ZNF836: variants seen among roughly 807,000 people sequenced by gnomAD.
ZNF836 encodes the protein zinc finger protein 836.
In ZNF836, 12 loss-of-function variants were observed where a neutral mutation model predicts 7.4. That is an observed-to-expected ratio of 1.61 (90% CI 1.03 to 2.61). The LOEUF (loss-of-function observed/expected upper bound fraction) is 2.61, where lower values mean the gene tolerates loss of function less well. Ranked by LOEUF, ZNF836 falls within the 30% of genes most tolerant of loss-of-function variation. ZNF836 has a pLI of 0.00. For synonymous variants in ZNF836, 365 were observed against 382.6 expected, an observed-to-expected ratio of 0.95 and a Z score of 0.54; for missense variants, 998 against 1,126.2, an observed-to-expected ratio of 0.89 and a Z score of 1.63.
At chr19:52,169,474 G>A (rs1568575412) in intron 2 of ZNF836, among the ~76,000 whole-genome samples, 174 bp downstream of exon 2, 1 of 152,122 alleles carries the variant, frequency 6.6e-6, no homozygotes, top group Non-Finnish European at 1.5e-5. Context: ...AGGTACTCGT[G>A]AGGCTGAGGC....
At position 52,155,252 on chromosome 19, in the gene ZNF836, A is replaced by G. The variant is rs773782581; in HGVS notation, c.2431T>C (p.Cys811Arg). The change falls in exon 5 of 5, where the codon TGT (cysteine) becomes CGT (arginine). Residue 811 changes from cysteine (C) to arginine (R), a missense_variant. Coordinates refer to ENST00000682614, the MANE Select transcript of ZNF836 (RefSeq NM_001102657.3). The part of the protein sequence containing the change: ...TGEKPYVCNE[C>R]GKAFRVRSIL... The stretch of plus-strand genomic sequence containing the variant: ...GAACGCACTCTAAAGGCTTTGCCAC[A>G]CTCATTACACACGTAAGGTTTCTCT... 6 of 1,614,022 alleles carry G rather than the reference A, an allele frequency of 3.7e-6. No individual in the cohort carries two copies. Among genetic ancestry groups the G allele is most frequent in the Non-Finnish European group, 5.1e-6 (6 of 1,179,942 alleles).
chr19:52,166,718 C>T (rs1250597820), intron 3 of ZNF836, among the ~76,000 whole-genome samples: 4 of 151,676 alleles, frequency 2.6e-5, no homozygotes, highest in African/African-American at 7.3e-5. Context: ...GGACTACAGG[C>T]CCCCGCCACC....
chr19:52,166,880 G>A (rs1306866443), intron 3 of ZNF836, among the ~76,000 whole-genome samples: 9 of 151,460 alleles, frequency 5.9e-5, no homozygotes, highest in Admixed American at 5.9e-4. Flanking sequence ...CGCCCGGCCT[G>A]TACCAACTTC....
chr19:52,156,739 T>C lies in ZNF836; in HGVS notation c.944A>G (p.Tyr315Cys), dbSNP rs764995303. The change falls in exon 5 of 5, where the codon TAT becomes TGT. Residue 315 changes from tyrosine (Y) to cysteine (C), a missense_variant. By Grantham distance (194) the Tyr-to-Cys change is radical (BLOSUM62 -2). Transcript: ENST00000682614. The part of the protein sequence containing the change: ...NECGKSFSQS[Y>C]NLAIHQRIHT... ...AATTCTCTGATGTATTGCAAGGTTA[T>C]AACTTTGACTAAAGGACTTGCCACA... is the stretch of plus-strand genomic sequence containing the variant. 2.1e-5 allele frequency: 33 copies of C among 1,606,810 alleles called. No individual in the cohort carries two copies. Among genetic ancestry groups the C allele is most frequent in the Non-Finnish European group, 2.8e-5 (33 of 1,175,020 alleles).
In ZNF836 at chr19:52,154,305, C is replaced by T. The variant is rs1005433578; in HGVS notation, c.*567G>A. On this transcript the variant is annotated 3_prime_UTR_variant, in exon 5 of 5. Coordinates refer to ENST00000682614, the MANE Select transcript of ZNF836 (RefSeq NM_001102657.3). ...CCACAAGTGATCTGCCTGCTCCAACCTCCCTAAATGCTGGGATTACAGGCA... is the reference window on the plus strand; with the variant it reads ...CCACAAGTGATCTGCCTGCTCCAACTTCCCTAAATGCTGGGATTACAGGCA... Among the ~76,000 whole-genome samples the T allele has an allele frequency of 2.6e-5, 4 of 152,116 alleles. No homozygotes were observed. Among genetic ancestry groups the T allele is most frequent in the Admixed American group, 2.0e-4 (3 of 15,268 alleles).
Position 52,156,398 on chromosome 19 carries a change from G to A in ZNF836, c.1285C>T (p.Leu429Phe). The change falls in exon 5 of 5, where the codon CTC becomes TTC. Residue 429 changes from leucine to phenylalanine, a missense_variant. Leu to Phe is a conservative substitution (Grantham distance 22, BLOSUM62 0). Coordinates refer to ENST00000682614, the MANE Select transcript of ZNF836 (RefSeq NM_001102657.3). Reference sequence around the variant, plus strand: ...GTATGGATTATCTGATGTGTAGTGAGGCTGGAGCTCCGTTTAAAGGTTTTG... The same window carrying A: ...GTATGGATTATCTGATGTGTAGTGAAGCTGGAGCTCCGTTTAAAGGTTTTG... ...CGKTFKRSSSLTTHQIIHTGE... is the reference protein window; with the variant it reads ...CGKTFKRSSSFTTHQIIHTGE... The A allele has an allele frequency of 1.2e-6, 2 of 1,614,172 alleles. No individual in the cohort carries two copies. The highest frequency in any genetic ancestry group is 1.7e-6 in the Non-Finnish European group (2 of 1,180,020).
Position 52,160,592 on chromosome 19 carries a change from C to A in ZNF836, c.16-1G>T, listed in dbSNP as rs765907886. On this transcript the variant is annotated splice_acceptor_variant, in intron 3 of 4. Coordinates refer to ENST00000682614, the MANE Select transcript of ZNF836 (RefSeq NM_001102657.3). LOFTEE classifies it high-confidence loss of function. ...CTACATCCCTGAATGTCAAAGGTCC[C>A]TGAAATGAAAAACACATTTCAACAT... 1 of 1,602,030 alleles carries A rather than the reference C, an allele frequency of 6.2e-7. No homozygotes were observed. Among genetic ancestry groups the A allele is most frequent in the Non-Finnish European group, 8.5e-7 (1 of 1,176,918 alleles).
chr19:52,155,658 A>G lies in ZNF836; in HGVS notation c.2025T>C (p.Tyr675=). Residue 675 remains tyrosine (Y), a synonymous_variant, in exon 5 of 5, where the codon TAT becomes TAC. Coordinates refer to ENST00000682614, the MANE Select transcript of ZNF836 (RefSeq NM_001102657.3). The part of the protein sequence containing the change: ...PYKCNDCGKA[Y]TQRSSLTKHL... ...GTTTAGTGAGGCTTGAACGCTGAGT[A>G]TAGGCTTTGCCACAATCATTACATT... The G allele has an allele frequency of 5.0e-6, 8 of 1,614,134 alleles. No individual in the cohort carries two copies. The highest frequency in any genetic ancestry group is 6.8e-6 in the Non-Finnish European group (8 of 1,180,012).
intron 3 of ZNF836, among the ~76,000 whole-genome samples, chr19:52,164,697 A>T (rs1019994112): frequency 6.6e-6 from 1 of 152,202 alleles, no homozygotes; most frequent in Non-Finnish European, 1.5e-5. Context: ...ACAATCAAGC[A>T]CCAAGAACAT....
chr19:52,168,062 G>GT lies in ZNF836; in HGVS notation c.10dup (p.Thr4AsnfsTer49). 2 of 1,607,764 alleles carry GT rather than the reference G, an allele frequency of 1.2e-6. No individual in the cohort carries two copies. The highest frequency in any genetic ancestry group is 8.5e-7 in the Non-Finnish European group (1 of 1,174,726). ...CCACTAAGAATATCATTTTACCTGT[G>GT]TAAGAGCCATCCCTGACTCCTTTTC... On this transcript the variant is annotated frameshift_variant, in exon 3 of 5. Coordinates refer to ENST00000682614, the MANE Select transcript of ZNF836 (RefSeq NM_001102657.3). LOFTEE classifies it high-confidence loss of function.
chr19:52,166,228 G>A (rs2089262729), intron 3 of ZNF836, among the ~76,000 whole-genome samples: 1 of 152,114 alleles, frequency 6.6e-6, no homozygotes, highest in Non-Finnish European at 1.5e-5. Context: ...CTGACCTGGT[G>A]ATCCGCCTGC....
In ZNF836 at chr19:52,155,506, T is replaced by A; in HGVS notation, c.2177A>T (p.His726Leu). The A allele has an allele frequency of 6.2e-7, 1 of 1,613,980 alleles. No individual in the cohort carries two copies. The highest frequency in any genetic ancestry group is 8.5e-7 in the Non-Finnish European group (1 of 1,179,882). Residue 726 changes from histidine (H) to leucine (L), a missense_variant, in exon 5 of 5, where the codon CAT (histidine) becomes CTT (leucine). Transcript: ENST00000682614. ...PTGEKPHKCS[H>L]CGRTFSHITG... ...TATATGACTAAAAGTTCTACCACAA[T>A]GGCTACATTTGTGTGGTTTCTCCCC...
chr19:52,155,878 C>T lies in ZNF836; in HGVS notation c.1805G>A (p.Arg602Lys), dbSNP rs532993293. 2.5e-6 allele frequency: 4 copies of T among 1,613,566 alleles called. No individual in the cohort carries two copies. The highest frequency in any genetic ancestry group is 3.4e-6 in the Non-Finnish European group (4 of 1,179,822). Residue 602 changes from arginine to lysine, a missense_variant, in exon 5 of 5, where the codon AGA becomes AAA. By Grantham distance (26) the Arg-to-Lys change is conservative. Coordinates refer to ENST00000682614, the MANE Select transcript of ZNF836 (RefSeq NM_001102657.3). The stretch of plus-strand genomic sequence containing the variant: ...GTAAGGTTTCTGCCCAGTATGAATT[C>T]TTAGATGACGTGCTAGGCATGAGTA... ...RNYSCLARHLRIHTGQKPYKC... is the reference protein window; with the variant it reads ...RNYSCLARHLKIHTGQKPYKC...
Position 52,154,749 on chromosome 19 carries a change from G to C in ZNF836, c.*123C>G. On this transcript the variant is annotated 3_prime_UTR_variant, in exon 5 of 5. Transcript: ENST00000682614. ...GCGGGTGGTGCTAAACCATTCTTGA[G>C]AAATCCACCCCTGTGATCCAATCAT... is the stretch of plus-strand genomic sequence containing the variant. 3.4e-6 allele frequency: 3 copies of C among 885,980 alleles called. No homozygotes were observed. Among genetic ancestry groups the C allele is most frequent in the Non-Finnish European group, 4.9e-6 (3 of 607,998 alleles). The allele number at this position is 885,980 out of a possible 1,614,324, so 54.9% of individuals were successfully genotyped here.
intron 3 of ZNF836, 103 bp downstream of exon 3, chr19:52,167,955 G>A (rs979607099): frequency 2.0e-5 from 17 of 839,450 alleles, no homozygotes; most frequent in Admixed American, 6.1e-5. Flanking sequence ...GGCAGCAAAC[G>A]TGTCAGGCAG....
rs749681011 is a variant in ZNF836 at position 52,156,664 on chromosome 19, T to C, written c.1019A>G (p.Lys340Arg). 6.2e-7 allele frequency: 1 copy of C among 1,614,030 alleles called. No individual in the cohort carries two copies. The highest frequency in any genetic ancestry group is 8.5e-7 in the Non-Finnish European group (1 of 1,179,958). ...ATGTGTAGTGAGGCATGAGCCTTGT[T>C]TGAAGGTTTTCCCACACTCATTACA... ...YKCNECGKTF[K>R]QGSCLTTHQI... The change falls in exon 5 of 5, where the codon AAA becomes AGA. Residue 340 changes from lysine (K) to arginine (R), a missense_variant. Coordinates refer to ENST00000682614, the MANE Select transcript of ZNF836 (RefSeq NM_001102657.3).
chr19:52,167,001 A>T (rs890085614), intron 3 of ZNF836, among the ~76,000 whole-genome samples: 4 of 151,920 alleles, frequency 2.6e-5, no homozygotes, highest in Non-Finnish European at 5.9e-5. Context: ...GAATGAGAGA[A>T]TTTGGCTCCA....
At chr19:52,160,694 TC>T in intron 3 of ZNF836, 103 bp from the exon 4 acceptor site, 1 of 1,413,790 alleles carries the variant, frequency 7.1e-7, no homozygotes, top group African/African-American at 1.4e-5. Flanking sequence ...TTGTGTGTTT[TC>T]ACATATCCAT....
At chr19:52,165,648 A>T (rs2089256356) in intron 3 of ZNF836, among the ~76,000 whole-genome samples, 1 of 152,144 alleles carries the variant, frequency 6.6e-6, no homozygotes, top group East Asian at 1.9e-4. Context: ...CAGGTTGGGC[A>T]CTTGAAAGAG....
Sources: allele counts gnomAD v4.1 joint callset (sites outside exome capture counted in the v4.1 genomes callset), GRCh38; gene constraint gnomAD v4.1.1; transcripts MANE v1.5; gene names NCBI Gene and HGNC (gene_info 2026-07-23, HGNC 2026-07-21).